The following AGBL4 variants were observed in gnomAD, a reference collection of about 807,000 sequenced individuals.
The protein encoded by AGBL4 is AGBL carboxypeptidase 4.
AGBL4 carries 58 observed loss-of-function variants against 66.4 expected under a neutral mutation model. The ratio of observed to expected loss-of-function variants is 0.87; its 90% CI spans 0.71 to 1.09. The LOEUF is 1.09. Among genes scored for constraint, AGBL4 ranks in the 50% least tolerant of loss-of-function variants. AGBL4 has a pLI of 0.00. For missense variants in AGBL4, 579 were observed against 631.0 expected (o/e 0.92, Z 0.88); for synonymous variants, 234 against 222.9 (o/e 1.05, Z -0.44).
chr1:49,176,500 G>A (rs1646834419), intron 4 of AGBL4, among the ~76,000 whole-genome samples: 1 of 152,068 alleles, frequency 6.6e-6, no homozygotes, highest in Non-Finnish European at 1.5e-5. Context: ...CTTATAATGG[G>A]ACAATCCCTG....
chr1:49,977,732 TCA>T (rs368147124), intron 1 of AGBL4, among the ~76,000 whole-genome samples: 5 of 152,214 alleles, frequency 3.3e-5, no homozygotes, highest in African/African-American at 1.2e-4. Context: ...CTAATTTTTG[TCA>T]CACACACACA....
At chr1:49,445,300 AG>A (rs753899365) in intron 3 of AGBL4, among the ~76,000 whole-genome samples, 9 of 152,102 alleles carry the variant, frequency 5.9e-5, no homozygotes, top group Non-Finnish European at 1.0e-4. Flanking sequence ...GATTTTAAAC[AG>A]TCTGACTCCA....
chr1:49,554,564 C>G (rs1170493039), intron 3 of AGBL4, among the ~76,000 whole-genome samples: 3 of 152,116 alleles, frequency 2.0e-5, no homozygotes. Context: ...TTTTTAATAA[C>G]AATGTATTTT....
chr1:49,998,260 AC>A (rs1660503589), intron 1 of AGBL4, among the ~76,000 whole-genome samples: 1 of 152,154 alleles, frequency 6.6e-6, no homozygotes, highest in African/African-American at 2.4e-5. Context: ...AGATATTACA[AC>A]TGATACCACA....
At chr1:48,590,231 C>T (rs1442825426) in intron 10 of AGBL4, among the ~76,000 whole-genome samples, 3 of 151,932 alleles carry the variant, frequency 2.0e-5, no homozygotes, top group Non-Finnish European at 4.4e-5. Flanking sequence ...ATGGAGAAAC[C>T]CCGTCTCTAC....
chr1:49,705,869 C>G (rs552924631), intron 2 of AGBL4, among the ~76,000 whole-genome samples: 1 of 152,230 alleles, frequency 6.6e-6, no homozygotes, highest in East Asian at 1.9e-4. Flanking sequence ...TATGTTGAAC[C>G]AGCCTTGTAT....
intron 1 of AGBL4, among the ~76,000 whole-genome samples, chr1:49,872,788 C>A (rs1646869477): frequency 6.6e-6 from 1 of 151,936 alleles, no homozygotes; most frequent in Non-Finnish European, 1.5e-5. Flanking sequence ...ATTGATACTA[C>A]TATAATTTTG....
chr1:49,703,611 A>G (rs1647142074), intron 2 of AGBL4, among the ~76,000 whole-genome samples: 1 of 152,026 alleles, frequency 6.6e-6, no homozygotes, highest in South Asian at 2.1e-4. Context: ...ACAAAAATGT[A>G]GCACTAATAT....
intron 3 of AGBL4, among the ~76,000 whole-genome samples, chr1:49,619,634 G>A (rs984838992): frequency 1.3e-5 from 2 of 152,016 alleles, no homozygotes; most frequent in Admixed American, 6.5e-5. Context: ...AATTACATAT[G>A]GAACCAAAAA....
At chr1:49,803,494 A>T (rs1394655625) in intron 2 of AGBL4, among the ~76,000 whole-genome samples, 1 of 152,180 alleles carries the variant, frequency 6.6e-6, no homozygotes, top group Non-Finnish European at 1.5e-5. Flanking sequence ...AATTTCTGTG[A>T]CATTTAATGA....
chr1:49,712,016 C>T (rs559479715), intron 2 of AGBL4, among the ~76,000 whole-genome samples: 27 of 151,886 alleles, frequency 1.8e-4, no homozygotes, highest in African/African-American at 6.3e-4. Flanking sequence ...ACTTTTTTCA[C>T]AGGGTTATTG....
intron 6 of AGBL4, among the ~76,000 whole-genome samples, chr1:48,857,208 C>T (rs997161594): frequency 2.0e-5 from 3 of 152,142 alleles, no homozygotes; most frequent in Non-Finnish European, 2.9e-5. Flanking sequence ...AATGCTTTTC[C>T]TTTAGTTTAC....
chr1:49,785,891 AAAAT>A (rs1001234145), intron 2 of AGBL4, among the ~76,000 whole-genome samples: 7 of 89,378 alleles, frequency 7.8e-5, no homozygotes, highest in African/African-American at 2.1e-4. Context: ...CAGGAAAAAA[AAAAT>A]ATATATATAT....
intron 12 of AGBL4, among the ~76,000 whole-genome samples, chr1:48,535,888 A>G (rs1643963342): frequency 2.6e-5 from 4 of 151,956 alleles, no homozygotes; most frequent in Admixed American, 1.3e-4. Flanking sequence ...CTTCAGTTCT[A>G]CCACAGCTCA....
chr1:49,100,160 G>A (rs939192127), intron 4 of AGBL4, among the ~76,000 whole-genome samples: 2 of 152,186 alleles, frequency 1.3e-5, no homozygotes, highest in East Asian at 3.9e-4. Flanking sequence ...AGAAGTAGGA[G>A]TTGATGAAGG....
chr1:49,669,179 G>A (rs1646427060), intron 3 of AGBL4, among the ~76,000 whole-genome samples: 2 of 151,974 alleles, frequency 1.3e-5, no homozygotes, highest in Admixed American at 1.3e-4. Context: ...ACATACAGAA[G>A]GAACTATATG....
intron 3 of AGBL4, among the ~76,000 whole-genome samples, chr1:49,274,139 T>C (rs1471997939): frequency 6.6e-6 from 1 of 152,218 alleles, no homozygotes; most frequent in Non-Finnish European, 1.5e-5. Flanking sequence ...AATTATCACT[T>C]TGGCTAAATG....
intron 5 of AGBL4, among the ~76,000 whole-genome samples, chr1:48,930,632 C>A (rs967053610): frequency 6.6e-6 from 1 of 152,146 alleles, no homozygotes; most frequent in Admixed American, 6.5e-5. Flanking sequence ...CCTCAAATTC[C>A]TCATCTGTAG....
intron 9 of AGBL4, among the ~76,000 whole-genome samples, chr1:48,624,925 C>T (rs915747772): frequency 1.7e-4 from 25 of 149,180 alleles, no homozygotes; most frequent in African/African-American, 5.9e-4. Context: ...TGTGTGTGCA[C>T]GTGACAGTGT....
Sources: allele counts gnomAD v4.1 joint callset (sites outside exome capture counted in the v4.1 genomes callset), GRCh38; gene constraint gnomAD v4.1.1; transcripts MANE v1.5; gene names NCBI Gene and HGNC (gene_info 2026-07-23, HGNC 2026-07-21).